The following CSMD3 variants were observed in gnomAD, a reference collection of about 807,000 sequenced individuals.
CSMD3 encodes CUB and Sushi multiple domains 3.
CSMD3 carries 177 observed loss-of-function variants against 435.2 expected under a neutral mutation model. The observed-to-expected ratio is 0.41, with a 90% CI of 0.36 to 0.46. CSMD3 has a LOEUF of 0.46. Among genes scored for constraint, CSMD3 ranks in the 20% least tolerant of loss-of-function variants. CSMD3 has a pLI of 0.34. For missense variants in CSMD3, 4,265 were observed against 4,504.6 expected (o/e 0.95, Z 1.52); for synonymous variants, 1,656 against 1,520.5 (o/e 1.09, Z -2.07).
chr8:113,055,481 C>T (rs1168036585), intron 5 of CSMD3, among the ~76,000 whole-genome samples: 1 of 152,134 alleles, frequency 6.6e-6, no homozygotes, highest in East Asian at 1.9e-4. Flanking sequence ...TGAGTGTGCA[C>T]TTTTTACCCA....
At chr8:112,839,080 A>G (rs937751553) in intron 11 of CSMD3, among the ~76,000 whole-genome samples, 1 of 151,748 alleles carries the variant, frequency 6.6e-6, no homozygotes. Context: ...AGGCTAGACC[A>G]TTCAACAGTG....
intron 24 of CSMD3, among the ~76,000 whole-genome samples, chr8:112,568,884 T>A (rs945102069): frequency 1.3e-5 from 2 of 152,206 alleles, no homozygotes; most frequent in Non-Finnish European, 2.9e-5. Flanking sequence ...TAGTAAATAC[T>A]GTAAGTTGTC....
intron 3 of CSMD3, among the ~76,000 whole-genome samples, chr8:113,221,246 G>T (rs535056965): frequency 6.6e-6 from 1 of 151,128 alleles, no homozygotes; most frequent in South Asian, 2.1e-4. Flanking sequence ...CTCTGATAAT[G>T]TACGAAAATG....
intron 22 of CSMD3, among the ~76,000 whole-genome samples, chr8:112,604,136 A>G (rs894370925): frequency 1.3e-5 from 2 of 152,084 alleles, no homozygotes; most frequent in Non-Finnish European, 2.9e-5. Context: ...ACATTTTTTC[A>G]GTTGGAAGGT....
chr8:112,562,086 T>C (rs1828677833), intron 24 of CSMD3, among the ~76,000 whole-genome samples: 1 of 151,728 alleles, frequency 6.6e-6, no homozygotes, highest in South Asian at 2.1e-4. Context: ...TATTTAAAGA[T>C]ATAAAGTTCA....
rs146457811 is a variant in CSMD3 at position 112,801,601 on chromosome 8, A to G, written c.1860-1327T>C. On this transcript the variant is annotated intron_variant, in intron 12 of 70. Coordinates refer to ENST00000297405, the MANE Select transcript of CSMD3 (RefSeq NM_198123.2). ...CATAATATAAAACAAACTCACACAT[A>G]TATATTGTCTATATATACACATAAT... Among the ~76,000 whole-genome samples the G allele has an allele frequency of 8.1e-4, 123 of 152,174 alleles. 4 individuals are homozygous for G. The East Asian group carries it at 0.023, about 28-fold the overall frequency.
intron 43 of CSMD3, 95 bp from the exon 44 acceptor site, chr8:112,336,924 T>A: frequency 9.6e-7 from 1 of 1,042,616 alleles, no homozygotes; most frequent in South Asian, 1.3e-5. Context: ...TTAAGCATTA[T>A]GAAACACATT....
chr8:112,336,748 T>C lies in CSMD3; in HGVS notation c.6923A>G (p.Asp2308Gly), dbSNP rs138871438. 1.1e-5 allele frequency: 17 copies of C among 1,613,010 alleles called. No individual in the cohort carries two copies. In the African/African-American group the frequency reaches 2.1e-4, roughly 20 times the overall value. The change falls in exon 44 of 71, where the codon GAT (aspartate) becomes GGT (glycine). Residue 2308 changes from aspartate to glycine, a missense_variant. By Grantham distance (94) the Asp-to-Gly change is moderately conservative (BLOSUM62 -1). Around this residue, in one of 3 missense-constraint regions of CSMD3, gnomAD observed 3,255 missense variants for 3,380.2 expected, o/e 0.96. Coordinates refer to ENST00000297405, the MANE Select transcript of CSMD3 (RefSeq NM_198123.2). ...GGGTACTCTTACAAGCCAAAAACAA[T>C]CTTGAAAGTTTGGATATTCATCAGG... ...GYPDEYPNFQ[D>G]CFWLVRVPPG...
At chr8:113,106,887 TCA>T (rs34558069) in intron 4 of CSMD3, among the ~76,000 whole-genome samples, 22,659 of 108,268 alleles carry the variant, frequency 0.21, 2,913 homozygotes, top group African/African-American at 0.47. Context: ...GAGATATAAC[TCA>T]CATGTGTTCA....
chr8:112,904,631 T>A (rs2082204181), intron 10 of CSMD3, among the ~76,000 whole-genome samples: 1 of 151,198 alleles, frequency 6.6e-6, no homozygotes, highest in South Asian at 2.1e-4. Context: ...ATAAAGTTAG[T>A]CTCTGATTTA....
rs1255940159 is a variant in CSMD3 at position 112,337,630 on chromosome 8, G to A, written c.6754C>T (p.Pro2252Ser). 1.2e-6 allele frequency: 2 copies of A among 1,613,204 alleles called. No individual in the cohort carries two copies. Residue 2252 changes from proline to serine, a missense_variant, in exon 43 of 71, where the codon CCA becomes TCA. Pro to Ser is a moderately conservative substitution (Grantham distance 74). Transcript: ENST00000297405. ...VGQTISFECF[P>S]GYTLIGNSAL... ...GAATTTCCAATTAATGTGTATCCTG[G>A]GAAACATTCAAATGAAATGGTTTGA...
At chr8:113,281,857 G>A (rs1239941018) in intron 2 of CSMD3, among the ~76,000 whole-genome samples, 2 of 151,894 alleles carry the variant, frequency 1.3e-5, no homozygotes, top group African/African-American at 2.4e-5. Context: ...AGCAGTTCTT[G>A]TAGTGGTGGC....
intron 32 of CSMD3, among the ~76,000 whole-genome samples, chr8:112,419,435 A>T (rs1334964155): frequency 6.6e-5 from 10 of 152,290 alleles, no homozygotes; most frequent in African/African-American, 1.2e-4. Flanking sequence ...ATATGTTATT[A>T]AAAAATTCAA....
chr8:112,643,204 T>C (rs1361166415), intron 20 of CSMD3, among the ~76,000 whole-genome samples: 1 of 152,068 alleles, frequency 6.6e-6, no homozygotes, highest in Non-Finnish European at 1.5e-5. Context: ...AGAACAGGGA[T>C]AACGGCTGCA....
At chr8:113,273,747 T>C (rs1181885923) in intron 3 of CSMD3, among the ~76,000 whole-genome samples, 1 of 152,186 alleles carries the variant, frequency 6.6e-6, no homozygotes, top group Non-Finnish European at 1.5e-5. Context: ...ATCTCATTTG[T>C]AGTGTTTTCT....
chr8:113,152,047 A>G (rs1322475447), intron 4 of CSMD3, among the ~76,000 whole-genome samples: 1 of 152,010 alleles, frequency 6.6e-6, no homozygotes, highest in Non-Finnish European at 1.5e-5. Context: ...ATAGGTGTCC[A>G]GCAGTGGGAC....
chr8:112,811,744 T>TC (rs2079234150), intron 12 of CSMD3, among the ~76,000 whole-genome samples: 1 of 152,166 alleles, frequency 6.6e-6, no homozygotes. Flanking sequence ...AAAAGCTGTT[T>TC]CATTTCTTTT....
intron 10 of CSMD3, among the ~76,000 whole-genome samples, chr8:112,894,872 A>G (rs1038208089): frequency 1.3e-4 from 19 of 151,388 alleles, no homozygotes; most frequent in Non-Finnish European, 2.4e-4. Flanking sequence ...CACACACAAG[A>G]TATCACATTG....
intron 1 of CSMD3, among the ~76,000 whole-genome samples, chr8:113,423,755 A>T (rs1249355654): frequency 1.3e-5 from 2 of 151,900 alleles, no homozygotes; most frequent in African/African-American, 4.8e-5. Context: ...AGATTGTTGA[A>T]AATTCACCCT....
Sources: gnomAD v4.1 joint callset for allele counts (sites outside exome capture counted in the v4.1 genomes callset) on GRCh38, gnomAD v4.1.1 for gene constraint, gnomAD v4.1.1 regional missense constraint, MANE v1.5 for transcripts, NCBI Gene and HGNC (gene_info 2026-07-23, HGNC 2026-07-21) for gene names.